Variants in VEGFC observed in about 807,000 individuals in gnomAD.
VEGFC encodes the protein FLT4 ligand DHM.
Under a neutral mutation model 46.1 loss-of-function variants are expected in VEGFC, and 12 were observed. That is an observed-to-expected ratio of 0.26 (90% CI 0.17 to 0.42). The LOEUF is 0.42. Among genes scored for constraint, VEGFC ranks in the 10% least tolerant of loss-of-function variants. The pLI is 1.00. For synonymous variants in VEGFC, 232 were observed against 195.5 expected (o/e 1.19, Z -1.56); for missense variants, 488 against 529.4 (o/e 0.92, Z 0.77).
intron 1 of VEGFC, among the ~76,000 whole-genome samples, chr4:176,791,808 G>GA (rs1246933282): frequency 6.6e-6 from 1 of 152,144 alleles, no homozygotes; most frequent in African/African-American, 2.4e-5. Context: ...GCTGGGGAAA[G>GA]AAACGAGCAT....
At chr4:176,742,014 C>T (rs1735184301) in intron 1 of VEGFC, among the ~76,000 whole-genome samples, 1 of 151,868 alleles carries the variant, frequency 6.6e-6, no homozygotes, top group African/African-American at 2.4e-5. Flanking sequence ...TCAGGGGCCA[C>T]ATGTGCAGGT....
At chr4:176,730,213 G>C (rs547637528) in intron 1 of VEGFC, among the ~76,000 whole-genome samples, 1 of 152,164 alleles carries the variant, frequency 6.6e-6, no homozygotes, top group Admixed American at 6.6e-5. Flanking sequence ...AGCTATTTTA[G>C]AACAAATAAT....
At chr4:176,695,194 G>GT (rs1472955760) in intron 4 of VEGFC, among the ~76,000 whole-genome samples, 1 of 151,966 alleles carries the variant, frequency 6.6e-6, no homozygotes, top group Non-Finnish European at 1.5e-5. Context: ...CCAGGAGCTG[G>GT]TTTTTTGAAG....
At chr4:176,730,686 C>G (rs1404235041) in intron 1 of VEGFC, among the ~76,000 whole-genome samples, 1 of 152,034 alleles carries the variant, frequency 6.6e-6, no homozygotes, top group Non-Finnish European at 1.5e-5. Context: ...CCCCACCTCT[C>G]CATGGTTTCT....
chr4:176,726,908 G>C (rs535857420), intron 3 of VEGFC, among the ~76,000 whole-genome samples: 1 of 152,062 alleles, frequency 6.6e-6, no homozygotes, highest in Non-Finnish European at 1.5e-5. Flanking sequence ...CCAGATTTAC[G>C]TGTGTGAGTC....
chr4:176,711,551 A>C lies in VEGFC; in HGVS notation c.652T>G (p.Tyr218Asp). 6.2e-7 allele frequency: 1 copy of C among 1,613,724 alleles called. No individual in the cohort carries two copies. The highest frequency in any genetic ancestry group is 1.7e-4 in the Middle Eastern group (1 of 6,058). The stretch of plus-strand genomic sequence containing the variant: ...CTAATAATGGAATGAACTTGTCTGT[A>C]AACATCCAGTTTAGACATGCATCGG... ...SCRCMSKLDV[Y>D]RQVHSIIRRS... Residue 218 changes from tyrosine (Y) to aspartate (D), a missense_variant, in exon 4 of 7, where the codon TAC (tyrosine) becomes GAC (aspartate). Physicochemically the swap from Tyr to Asp is radical, Grantham distance 160. Coordinates refer to ENST00000618562, the MANE Select transcript of VEGFC (RefSeq NM_005429.5).
chr4:176,775,207 T>C (rs1230625085), intron 1 of VEGFC, among the ~76,000 whole-genome samples: 2 of 152,146 alleles, frequency 1.3e-5, no homozygotes. Flanking sequence ...ATTTCAGATA[T>C]ACTACGGATT....
At chr4:176,739,259 C>T (rs1045926586) in intron 1 of VEGFC, among the ~76,000 whole-genome samples, 1 of 150,812 alleles carries the variant, frequency 6.6e-6, no homozygotes, top group African/African-American at 2.4e-5. Flanking sequence ...TCCCCAAATA[C>T]CTAGAGGCAG....
chr4:176,770,925 G>T (rs2333518), intron 1 of VEGFC, among the ~76,000 whole-genome samples: 125,260 of 151,598 alleles, frequency 0.83, 53,290 homozygotes, highest in East Asian at 1. Flanking sequence ...CTACCCCTCT[G>T]CCATAATACA....
intron 1 of VEGFC, among the ~76,000 whole-genome samples, chr4:176,768,502 ATATATATATATT>A (rs1735669011): frequency 7.0e-6 from 1 of 143,794 alleles, no homozygotes; most frequent in African/African-American, 2.5e-5. Flanking sequence ...ATATATATAT[ATATATATATATT>A]TCAAATTTTT....
intron 3 of VEGFC, among the ~76,000 whole-genome samples, chr4:176,715,390 G>A (rs1002009210): frequency 1.3e-5 from 2 of 152,088 alleles, no homozygotes; most frequent in Non-Finnish European, 2.9e-5. Flanking sequence ...AATATTAAAA[G>A]TAGAAAGAGT....
rs1733982485 is a variant in VEGFC at position 176,683,669 on chromosome 4, T to C, written c.*257A>G. The C allele has an allele frequency of 3.4e-6, 1 of 296,030 alleles. No individual in the cohort carries two copies. The highest frequency in any genetic ancestry group is 2.1e-5 in the African/African-American group (1 of 46,732). 18.3% of individuals were successfully genotyped at this position (296,030 alleles called of 1,614,324 possible). On this transcript the variant is annotated 3_prime_UTR_variant, in exon 7 of 7. Coordinates refer to ENST00000618562, the MANE Select transcript of VEGFC (RefSeq NM_005429.5). ...CAATATTTTTAGTGGAAATAAATTATATAGTCATTCTTTTAAAGAAATCAC... is the reference window on the plus strand; with the variant it reads ...CAATATTTTTAGTGGAAATAAATTACATAGTCATTCTTTTAAAGAAATCAC...
intron 4 of VEGFC, among the ~76,000 whole-genome samples, chr4:176,688,571 C>T (rs1046799487): frequency 1.9e-4 from 27 of 140,564 alleles, no homozygotes; most frequent in African/African-American, 6.4e-4. Flanking sequence ...GTTGTTCTAG[C>T]TCTTTACTTC....
intron 1 of VEGFC, 71 bp from the exon 2 acceptor site, chr4:176,729,817 G>T: frequency 7.8e-7 from 1 of 1,274,710 alleles, no homozygotes; most frequent in Non-Finnish European, 1.1e-6. Context: ...ACTATAAAAC[G>T]GTTAGGTTTA....
intron 1 of VEGFC, among the ~76,000 whole-genome samples, chr4:176,784,555 G>A (rs1735969060): frequency 6.6e-6 from 1 of 151,614 alleles, no homozygotes; most frequent in African/African-American, 2.4e-5. Flanking sequence ...AGACCATTCT[G>A]GCTAACATGG....
chr4:176,771,725 C>T (rs60228727), intron 1 of VEGFC, among the ~76,000 whole-genome samples: 8,515 of 152,200 alleles, frequency 0.056, 452 homozygotes, highest in African/African-American at 0.12. Context: ...TGTTTTTCCT[C>T]TGTGAGGACA....
intron 1 of VEGFC, among the ~76,000 whole-genome samples, chr4:176,732,398 G>A (rs1734982349): frequency 6.6e-6 from 1 of 151,852 alleles, no homozygotes; most frequent in South Asian, 2.1e-4. Flanking sequence ...GTAGCAATTA[G>A]CACCTAATTT....
At position 176,740,992 on chromosome 4, in the gene VEGFC, GA is replaced by G. The variant is rs571526307; in HGVS notation, c.148-11247del. Among the ~76,000 whole-genome samples the G allele has an allele frequency of 1.4e-4, 21 of 151,860 alleles. No homozygotes were observed. In the South Asian group the frequency reaches 4.4e-3, roughly 31 times the overall value. The stretch of plus-strand genomic sequence containing the variant: ...GATTTGAAAGTTAAACCAAAAAGAG[GA>G]ATATAAAGTATCTTTAGATTTACAT... On this transcript the variant is annotated intron_variant, in intron 1 of 6. Transcript: ENST00000618562.
intron 1 of VEGFC, among the ~76,000 whole-genome samples, chr4:176,777,300 C>G (rs1342806159): frequency 6.6e-6 from 1 of 152,256 alleles, no homozygotes; most frequent in East Asian, 1.9e-4. Flanking sequence ...CTGGCCGAGA[C>G]AGCGAGACTC....
Sources: allele counts gnomAD v4.1 joint callset (sites outside exome capture counted in the v4.1 genomes callset), GRCh38; gene constraint gnomAD v4.1.1; transcripts MANE v1.5; gene names NCBI Gene and HGNC (gene_info 2026-07-23, HGNC 2026-07-21).